The following RAPGEF4 variants were observed in gnomAD, a reference collection of about 807,000 sequenced individuals.
The protein encoded by RAPGEF4 is Rap guanine nucleotide exchange factor 4.
RAPGEF4 carries 66 observed loss-of-function variants against 147.9 expected under a neutral mutation model. The ratio of observed to expected loss-of-function variants is 0.45; its 90% CI spans 0.37 to 0.55. RAPGEF4 has a LOEUF of 0.55. RAPGEF4 is among the 20% of genes least tolerant of loss of function. The probability of loss-of-function intolerance (pLI) is 0.00; values close to 1 mark genes in which losing one functional copy is unlikely to be tolerated. For missense variants in RAPGEF4, 1,071 were observed against 1,257.3 expected, an observed-to-expected ratio of 0.85 and a Z score of 2.24; for synonymous variants, 419 against 442.7, an observed-to-expected ratio of 0.95 and a Z score of 0.67.
At chr2:172,961,333 G>T (rs1028381483) in intron 8 of RAPGEF4, 105 bp downstream of exon 8, 13 of 868,450 alleles carry the variant, frequency 1.5e-5, no homozygotes, top group Middle Eastern at 2.3e-4. Flanking sequence ...AGCCCATTTT[G>T]TAATGCCTTC....
At chr2:172,759,588 C>A (rs1165864860) in intron 1 of RAPGEF4, among the ~76,000 whole-genome samples, 1 of 152,142 alleles carries the variant, frequency 6.6e-6, no homozygotes, top group Non-Finnish European at 1.5e-5. Context: ...ATCAATAAAG[C>A]CAGAGTTGTC....
chr2:172,915,094 G>A (rs1330790261), intron 4 of RAPGEF4, among the ~76,000 whole-genome samples: 2 of 152,114 alleles, frequency 1.3e-5, no homozygotes, highest in East Asian at 1.9e-4. Flanking sequence ...TTTAGTGAAT[G>A]TTTATTAAAA....
chr2:173,006,052 G>A (rs1694451777), intron 17 of RAPGEF4, among the ~76,000 whole-genome samples: 1 of 152,150 alleles, frequency 6.6e-6, no homozygotes, highest in Admixed American at 6.5e-5. Context: ...TAGCTAGACT[G>A]GGCCAATGGA....
chr2:172,968,690 A>T (rs1348795422), intron 10 of RAPGEF4, among the ~76,000 whole-genome samples: 1 of 152,190 alleles, frequency 6.6e-6, no homozygotes, highest in Admixed American at 6.5e-5. Context: ...AATCCAAAAC[A>T]TCAAACAAAG....
At chr2:172,809,429 C>A (rs1170504690) in intron 3 of RAPGEF4, among the ~76,000 whole-genome samples, 1 of 152,196 alleles carries the variant, frequency 6.6e-6, no homozygotes, top group African/African-American at 2.4e-5. Context: ...GTTATCAAGG[C>A]AGAGACTCTG....
At chr2:173,051,046 C>CAAACGTCCA (rs2106108399) in intron 30 of RAPGEF4, among the ~76,000 whole-genome samples, 1 of 152,302 alleles carries the variant, frequency 6.6e-6, no homozygotes, top group East Asian at 1.9e-4. Context: ...ATTAAAGAAT[C>CAAACGTCCA]AAACGTCTAG....
At chr2:172,921,068 T>C (rs964869574) in intron 5 of RAPGEF4, among the ~76,000 whole-genome samples, 2 of 152,140 alleles carry the variant, frequency 1.3e-5, no homozygotes, top group African/African-American at 4.8e-5. Context: ...TCTGTACTAC[T>C]GCCTACTAGG....
intron 6 of RAPGEF4, among the ~76,000 whole-genome samples, chr2:172,960,550 T>G (rs973149065): frequency 6.6e-6 from 1 of 152,228 alleles, no homozygotes; most frequent in African/African-American, 2.4e-5. Flanking sequence ...TGTAATAATT[T>G]ATATTTAAAT....
At chr2:172,771,371 A>G (rs1683564989) in intron 1 of RAPGEF4, among the ~76,000 whole-genome samples, 1 of 151,160 alleles carries the variant, frequency 6.6e-6, no homozygotes, top group African/African-American at 2.4e-5. Context: ...CAACATATGA[A>G]TTTGGGGGCG....
intron 1 of RAPGEF4, among the ~76,000 whole-genome samples, chr2:172,793,964 C>T (rs1574856863): frequency 3.3e-5 from 5 of 151,872 alleles, no homozygotes; most frequent in Admixed American, 2.0e-4. Context: ...GATGAAACCC[C>T]GCCAGTACAA....
At chr2:172,838,823 G>A (rs554117890) in intron 4 of RAPGEF4, among the ~76,000 whole-genome samples, 1 of 150,360 alleles carries the variant, frequency 6.7e-6, no homozygotes, top group Non-Finnish European at 1.5e-5. Context: ...GGGGAGGATG[G>A]GAGGCAAACT....
chr2:172,821,922 A>T, intron 4 of RAPGEF4: 2 of 1,613,542 alleles, frequency 1.2e-6, no homozygotes, highest in Non-Finnish European at 1.7e-6. Context: ...ATAGATGCTC[A>T]CTGGATGTCT....
intron 4 of RAPGEF4, among the ~76,000 whole-genome samples, chr2:172,823,203 T>C (rs574485556): frequency 4.6e-5 from 7 of 152,316 alleles, no homozygotes; most frequent in African/African-American, 7.2e-5. Flanking sequence ...CCCTAAAGGA[T>C]TGGGGACAGT....
chr2:172,798,146 C>T (rs116703009), intron 3 of RAPGEF4, among the ~76,000 whole-genome samples: 2,205 of 152,116 alleles, frequency 0.014, 55 homozygotes, highest in African/African-American at 0.051. Flanking sequence ...ATTATTTTCC[C>T]TCTAAAGTAC....
chr2:172,945,685 A>C (rs1270538041), intron 6 of RAPGEF4, among the ~76,000 whole-genome samples: 1 of 152,178 alleles, frequency 6.6e-6, no homozygotes, highest in African/African-American at 2.4e-5. Context: ...TGCTATTAAA[A>C]TAATGGCCTA....
intron 12 of RAPGEF4, among the ~76,000 whole-genome samples, chr2:172,986,883 G>A (rs1692317504): frequency 6.6e-6 from 1 of 152,030 alleles, no homozygotes; most frequent in African/African-American, 2.4e-5. Flanking sequence ...ATTTTTAGTA[G>A]AGGCAGGGTT....
intron 9 of RAPGEF4, among the ~76,000 whole-genome samples, chr2:172,966,617 C>T (rs1689867264): frequency 6.6e-6 from 1 of 152,164 alleles, no homozygotes; most frequent in Non-Finnish European, 1.5e-5. Flanking sequence ...CGTTCATTGT[C>T]TTTGTCCTAC....
intron 3 of RAPGEF4, among the ~76,000 whole-genome samples, chr2:172,813,368 G>A (rs1308285292): frequency 6.6e-6 from 1 of 152,194 alleles, no homozygotes; most frequent in Non-Finnish European, 1.5e-5. Context: ...TATCACCAGT[G>A]TTGCATGCAG....
Position 172,933,259 on chromosome 2 carries a change from GGAAA to G in RAPGEF4, c.537+10961_537+10964del, listed in dbSNP as rs1686177462. On this transcript the variant is annotated intron_variant, in intron 6 of 30. Transcript: ENST00000397081. Reference sequence around the variant, plus strand: ...GATGGTGGAGTTGCAGTGGAGGGGTGGAAAGTGTTGCATTCTAGATGGATTTTGG... The same window carrying G: ...GATGGTGGAGTTGCAGTGGAGGGGTGGTGTTGCATTCTAGATGGATTTTGG... Among the ~76,000 whole-genome samples the G allele has an allele frequency of 2.6e-5, 4 of 152,158 alleles. No homozygotes were observed. In the South Asian group the frequency reaches 8.3e-4, roughly 32 times the overall value.
Sources: gnomAD v4.1 joint callset for allele counts (sites outside exome capture counted in the v4.1 genomes callset) on GRCh38, gnomAD v4.1.1 for gene constraint, MANE v1.5 for transcripts, NCBI Gene and HGNC (gene_info 2026-07-23, HGNC 2026-07-21) for gene names.